GNA13: variants seen among roughly 807,000 people sequenced by gnomAD.
GNA13 encodes the protein G protein subunit alpha 13.
GNA13 carries 4 observed loss-of-function variants against 33.5 expected under a neutral mutation model. The observed-to-expected ratio is 0.12, with a 90% CI of 0.06 to 0.27. The LOEUF (loss-of-function observed/expected upper bound fraction) is 0.27. Among genes scored for constraint, GNA13 ranks in the 10% least tolerant of loss-of-function variants. GNA13 has a pLI of 1.00. For synonymous variants in GNA13, 176 were observed against 183.8 expected, an observed-to-expected ratio of 0.96 and a Z score of 0.34; for missense variants, 319 against 487.2, an observed-to-expected ratio of 0.65 and a Z score of 3.25.
intron 2 of GNA13, among the ~76,000 whole-genome samples, chr17:65,031,878 G>GAGAGAGAGAGAGAGAA: frequency 8.1e-6 from 1 of 123,926 alleles, no homozygotes; most frequent in Non-Finnish European, 1.7e-5. Flanking sequence ...GAGAGAGAGA[G>GAGAGAGAGAGAGAGAA]AGAGAGAGAG....
chr17:65,042,509 G>A (rs1907495710), intron 2 of GNA13, among the ~76,000 whole-genome samples: 1 of 152,082 alleles, frequency 6.6e-6, no homozygotes, highest in African/African-American at 2.4e-5. Context: ...GGCTGAGGTG[G>A]GCAGATCAAT....
At position 65,022,812 on chromosome 17, in the gene GNA13, G is replaced by A. The variant is rs141903750; in HGVS notation, c.511-4509C>T. On this transcript the variant is annotated intron_variant, in intron 2 of 3. Coordinates refer to ENST00000439174, the MANE Select transcript of GNA13 (RefSeq NM_006572.6). ...GTGAGTGAGTAACTCATGTTTGATT[G>A]TAACAGCTGAAGAAATATGGCCAGA... is the stretch of plus-strand genomic sequence containing the variant. Among the ~76,000 whole-genome samples, 163 of 152,344 alleles carry A rather than the reference G, an allele frequency of 1.1e-3. 1 individual carries two copies. Among genetic ancestry groups the A allele is most frequent in the Middle Eastern group, 3.4e-3 (1 of 294 alleles).
At chr17:65,022,602 T>C (rs1906622541) in intron 2 of GNA13, among the ~76,000 whole-genome samples, 1 of 151,852 alleles carries the variant, frequency 6.6e-6, no homozygotes, top group African/African-American at 2.4e-5. Flanking sequence ...CTTTCTTCAA[T>C]CCTCCCAACC....
chr17:65,039,186 ATCCCAATGATTT>A (rs1265867000), intron 2 of GNA13, among the ~76,000 whole-genome samples: 1 of 152,132 alleles, frequency 6.6e-6, no homozygotes, highest in East Asian at 1.9e-4. Context: ...AATCTAGCAG[ATCCCAATGATTT>A]TCCCTACAAA....
chr17:65,047,087 AAG>A (rs1171330554), intron 2 of GNA13, among the ~76,000 whole-genome samples: 1 of 152,250 alleles, frequency 6.6e-6, no homozygotes, highest in Non-Finnish European at 1.5e-5. Flanking sequence ...AATTTTAAAA[AAG>A]AAATTAATTA....
rs1906144882 is a variant in GNA13, at chr17:65,010,370, C to T, written c.*3887G>A. ...ATCTAGTATACATTTATTAATAAGC[C>T]CTAACCTCGTACCATAAAAAAATGG... On this transcript the variant is annotated 3_prime_UTR_variant, in exon 4 of 4. Coordinates refer to ENST00000439174, the MANE Select transcript of GNA13 (RefSeq NM_006572.6). Among the ~76,000 whole-genome samples, 2 of 151,842 alleles carry T rather than the reference C, an allele frequency of 1.3e-5. No homozygotes were observed. The highest frequency in any genetic ancestry group is 4.2e-4 in the South Asian group (2 of 4,812).
At chr17:65,025,109 G>C (rs1216196794) in intron 2 of GNA13, among the ~76,000 whole-genome samples, 1 of 152,026 alleles carries the variant, frequency 6.6e-6, no homozygotes, top group Non-Finnish European at 1.5e-5. Flanking sequence ...TGTTGCCCAG[G>C]GTGGTCTCGA....
chr17:65,054,187 C>T (rs1907953886), intron 1 of GNA13, among the ~76,000 whole-genome samples: 1 of 152,176 alleles, frequency 6.6e-6, no homozygotes, highest in South Asian at 2.1e-4. Flanking sequence ...CTGTTTGTTG[C>T]TTCGGCACCC....
intron 2 of GNA13, among the ~76,000 whole-genome samples, chr17:65,049,252 G>C (rs1171392973): frequency 6.6e-6 from 1 of 152,130 alleles, no homozygotes; most frequent in Non-Finnish European, 1.5e-5. Flanking sequence ...CAGGACTACA[G>C]GTACATGTCA....
rs2143765638 is a variant in GNA13, at chr17:65,014,377, T to C, written c.1014A>G (p.Gln338=). The change falls in exon 4 of 4, where the codon CAA becomes CAG. Residue 338 remains glutamine, a synonymous_variant. Coordinates refer to ENST00000439174, the MANE Select transcript of GNA13 (RefSeq NM_006572.6). This position sits in a 1 kb window ranked among gnomAD's most constrained non-coding sequence, Gnocchi z 5.3. Reference sequence around the variant, plus strand: ...TGAAGTGGTGGTATAAGGGCTTCTGTTGCTGGTCCCGGCGTTTGTTCCGGA... The same window carrying C: ...TGAAGTGGTGGTATAAGGGCTTCTGCTGCTGGTCCCGGCGTTTGTTCCGGA... The part of the protein sequence containing the change: ...ECFRNKRRDQ[Q]QKPLYHHFTT... The C allele has an allele frequency of 1.2e-6, 2 of 1,614,066 alleles. No individual in the cohort carries two copies. Among genetic ancestry groups the C allele is most frequent in the Non-Finnish European group, 1.7e-6 (2 of 1,179,976 alleles).
chr17:65,056,308 C>T lies in GNA13; in HGVS notation c.283+3G>A, dbSNP rs562307158. 6.2e-7 allele frequency: 1 copy of T among 1,600,706 alleles called. No individual in the cohort carries two copies. The highest frequency in any genetic ancestry group is 1.3e-5 in the African/African-American group (1 of 74,414). ...CCCCCGGCCCCCATTCCCGGCCCGG[C>T]ACCTTTGATCACGTTGCTGTAGATG... On this transcript the variant is annotated splice_donor_region_variant and intron_variant, in intron 1 of 3. Transcript: ENST00000439174.
At chr17:65,055,721 A>C in intron 1 of GNA13, 6 of 985,362 alleles carry the variant, frequency 6.1e-6, no homozygotes, top group Non-Finnish European at 7.2e-6. Flanking sequence ...GCCCAAAAGG[A>C]GGCTGTCACC....
rs1232474450 is a variant in GNA13 at position 65,014,856 on chromosome 17, C to T, written c.562-27G>A. 2.1e-6 allele frequency: 3 copies of T among 1,420,780 alleles called. No homozygotes were observed. The highest frequency in any genetic ancestry group is 1.8e-4 in the Middle Eastern group (1 of 5,588). The allele number at this position is 1,420,780 out of a possible 1,614,324, so 88.0% of individuals were successfully genotyped here. Reference sequence around the variant, plus strand: ...TGGAAAAGAAAAAACTTGTTTTATACCTATTAATCCCGAAGTAATGCGAAT... The same window carrying T: ...TGGAAAAGAAAAAACTTGTTTTATATCTATTAATCCCGAAGTAATGCGAAT... On this transcript the variant is annotated intron_variant, in intron 3 of 3. Transcript: ENST00000439174. This position sits in a 1 kb window ranked among gnomAD's most constrained non-coding sequence, Gnocchi z 5.3.
At chr17:65,049,049 T>C (rs1207022842) in intron 2 of GNA13, among the ~76,000 whole-genome samples, 3 of 152,180 alleles carry the variant, frequency 2.0e-5, no homozygotes, top group African/African-American at 7.2e-5. Context: ...GAAACTATTA[T>C]AGAAATAATC....
rs570140133 is a variant in GNA13, at chr17:65,050,817, C to A, written c.510+2685G>T. On this transcript the variant is annotated intron_variant, in intron 2 of 3. Transcript: ENST00000439174. Reference sequence around the variant, plus strand: ...GTCCTCCAGAAGTTTAAAATTAGGTCTTGCTCTGTTCCTCTTTTCTTGTCT... The same window carrying A: ...GTCCTCCAGAAGTTTAAAATTAGGTATTGCTCTGTTCCTCTTTTCTTGTCT... 2.8e-4 allele frequency among the ~76,000 whole-genome samples: 42 copies of A among 152,310 alleles called. 1 individual carries two copies. The South Asian group carries it at 6.6e-3, about 24-fold the overall frequency.
chr17:65,036,517 C>T (rs775746176), intron 2 of GNA13, among the ~76,000 whole-genome samples: 1 of 152,160 alleles, frequency 6.6e-6, no homozygotes, highest in Non-Finnish European at 1.5e-5. Context: ...ATCAGCCTGG[C>T]CAACATGGCA....
rs1462680864 is a variant in GNA13 at position 65,056,696 on chromosome 17, G to A, written c.-103C>T. The A allele has an allele frequency of 1.2e-5, 10 of 838,082 alleles. No homozygotes were observed. The highest frequency in any genetic ancestry group is 1.6e-5 in the Non-Finnish European group (10 of 620,400). 51.9% of individuals were successfully genotyped at this position (838,082 alleles called of 1,614,324 possible). ...ACCGAGGCTCGAGGGCGGGGAGCGC[G>A]GCGGCGGCCCGAGCGCGCCCAGGGA... is the stretch of plus-strand genomic sequence containing the variant. On this transcript the variant is annotated 5_prime_UTR_variant, in exon 1 of 4. Coordinates refer to ENST00000439174, the MANE Select transcript of GNA13 (RefSeq NM_006572.6).
chr17:65,045,042 CAAAAAA>C (rs1244382117), intron 2 of GNA13, among the ~76,000 whole-genome samples: 1 of 53,288 alleles, frequency 1.9e-5, no homozygotes, highest in African/African-American at 7.3e-5. Context: ...GACTCCATCT[CAAAAAA>C]AAAAAAAAAA....
At chr17:65,022,465 A>C (rs1906616251) in intron 2 of GNA13, among the ~76,000 whole-genome samples, 1 of 152,068 alleles carries the variant, frequency 6.6e-6, no homozygotes, top group Non-Finnish European at 1.5e-5. Context: ...TGAATACCAC[A>C]CTTTTAAGGC....
Sources: allele counts gnomAD v4.1 joint callset (sites outside exome capture counted in the v4.1 genomes callset), GRCh38; gene constraint gnomAD v4.1.1; non-coding constraint Gnocchi (gnomAD v3.1); transcripts MANE v1.5; gene names NCBI Gene and HGNC (gene_info 2026-07-23, HGNC 2026-07-21).